The following CALCOCO1 variants were observed in gnomAD, a reference collection of about 807,000 sequenced individuals.
The protein encoded by CALCOCO1 is calcium-binding and coiled-coil domain-containing protein 1.
CALCOCO1 carries 44 observed loss-of-function variants against 86.3 expected under a neutral mutation model. That is an observed-to-expected ratio of 0.51 (90% confidence interval 0.40 to 0.66). The LOEUF is 0.66. CALCOCO1 is among the 30% of genes least tolerant of loss of function. The pLI is 0.00. For synonymous variants in CALCOCO1, 297 were observed against 327.6 expected (o/e 0.91, Z 1.01); for missense variants, 708 against 851.1 (o/e 0.83, Z 2.09).
intron 13 of CALCOCO1, 130 bp from the exon 14 acceptor site, chr12:53,713,336 C>A: frequency 1.4e-6 from 1 of 718,750 alleles, no homozygotes; most frequent in Admixed American, 2.2e-5. Flanking sequence ...AAGAGTGAGG[C>A]AGGAGAGGCG....
At chr12:53,719,400 G>A (rs1483216550) in intron 7 of CALCOCO1, among the ~76,000 whole-genome samples, 1 of 151,936 alleles carries the variant, frequency 6.6e-6, no homozygotes, top group Non-Finnish European at 1.5e-5. Context: ...GTGGCACATG[G>A]CTGTAATCCC....
At chr12:53,726,757 A>G (rs867408598) in intron 1 of CALCOCO1, among the ~76,000 whole-genome samples, 2 of 152,276 alleles carry the variant, frequency 1.3e-5, no homozygotes, top group African/African-American at 4.8e-5. Flanking sequence ...AAACTAATCC[A>G]TGTTTTCTCC....
intron 2 of CALCOCO1, 40 bp downstream of exon 2, chr12:53,725,047 A>C: frequency 6.5e-7 from 1 of 1,533,838 alleles, no homozygotes; most frequent in Non-Finnish European, 8.8e-7. Context: ...CAACCAACTC[A>C]CAGCCCATAA....
At chr12:53,724,102 C>T (rs1357525276) in intron 3 of CALCOCO1, 2 of 406,028 alleles carry the variant, frequency 4.9e-6, no homozygotes, top group South Asian at 3.9e-5. Flanking sequence ...GCGATCTTGG[C>T]TTGTTGCAAC....
At chr12:53,723,114 T>C (rs1174347849) in intron 4 of CALCOCO1, among the ~76,000 whole-genome samples, 1 of 152,218 alleles carries the variant, frequency 6.6e-6, no homozygotes, top group Non-Finnish European at 1.5e-5. Context: ...TTTACCCTTA[T>C]AGTACATCTC....
intron 7 of CALCOCO1, among the ~76,000 whole-genome samples, chr12:53,719,201 C>T (rs1945805849): frequency 6.6e-6 from 1 of 151,678 alleles, no homozygotes; most frequent in South Asian, 2.1e-4. Context: ...TGTACTCATA[C>T]ACCTCCCTGG....
In CALCOCO1 at chr12:53,725,134, G is replaced by A; in HGVS notation, c.109C>T (p.Pro37Ser). The change falls in exon 2 of 15, where the codon CCC becomes TCC. Residue 37 changes from proline (P) to serine (S), a missense_variant. Transcript: ENST00000550804. ...CTGGCACTGGGCATGGTGCCTGGGG[G>A]AAGGGTGTAGTGACATTCCACCTTG... Reference protein sequence around the residue: ...NTKVECHYTLPPGTMPSASDW... With the variant: ...NTKVECHYTLSPGTMPSASDW... 6.2e-7 allele frequency: 1 copy of A among 1,612,732 alleles called. No homozygotes were observed. The highest frequency in any genetic ancestry group is 8.5e-7 in the Non-Finnish European group (1 of 1,179,386).
In CALCOCO1 at chr12:53,713,871, C is replaced by G. The variant is rs751349975; in HGVS notation, c.1621G>C (p.Asp541His). Residue 541 changes from aspartate to histidine, a missense_variant, in exon 13 of 15, where the codon GAC becomes CAC. Physicochemically the swap from Asp to His is moderately conservative, Grantham distance 81. Coordinates refer to ENST00000550804, the MANE Select transcript of CALCOCO1 (RefSeq NM_020898.3). ...SCPAALTDSE[D>H]ESPEDMRLPP... ...AGCCTCATGTCTTCTGGGGACTCGT[C>G]CTCTGAGTCTGTCAGAGCTGCCGGG... 2.0e-6 allele frequency: 3 copies of G among 1,525,818 alleles called. No individual in the cohort carries two copies. The highest frequency in any genetic ancestry group is 1.8e-6 in the Non-Finnish European group (2 of 1,137,330). The allele number at this position is 1,525,818 out of a possible 1,614,324, so 94.5% of individuals were successfully genotyped here. A position where few individuals can be genotyped will look rare whatever the true frequency, so the allele number is the denominator to read the frequency against.
In CALCOCO1 at chr12:53,725,209, G is replaced by C. The variant is rs768745094; in HGVS notation, c.34C>G (p.Arg12Gly). Residue 12 changes from arginine (R) to glycine (G), a missense_variant, in exon 2 of 15, where the codon CGT becomes GGT. Physicochemically the swap from Arg to Gly is moderately radical, Grantham distance 125 (BLOSUM62 -2). Transcript: ENST00000550804. ...EESPLSRAPS[R>G]GGVNFLNVAR... The stretch of plus-strand genomic sequence containing the variant: ...ACATTGAGAAAGTTGACTCCACCAC[G>C]GGATGGTGCCCGGCTTAGTGGTGAT... 1.9e-6 allele frequency: 3 copies of C among 1,610,320 alleles called. No homozygotes were observed. The highest frequency in any genetic ancestry group is 2.5e-6 in the Non-Finnish European group (3 of 1,178,300).
At chr12:53,714,450 C>T in intron 11 of CALCOCO1, 148 bp downstream of exon 11, 1 of 687,986 alleles carries the variant, frequency 1.5e-6, no homozygotes. Context: ...ATCCGCTGTC[C>T]TGCCAAATCA....
intron 7 of CALCOCO1, 131 bp downstream of exon 7, chr12:53,719,608 G>A: frequency 1.5e-6 from 1 of 660,556 alleles, no homozygotes; most frequent in Non-Finnish European, 2.7e-6. Flanking sequence ...TTAGGTATAT[G>A]TCTTATGTTC....
At chr12:53,716,182 T>G in intron 8 of CALCOCO1, 78 bp downstream of exon 8, 1 of 1,591,628 alleles carries the variant, frequency 6.3e-7, no homozygotes, top group Non-Finnish European at 8.6e-7. Flanking sequence ...GTCTCTCCCC[T>G]TCTCTTTAGA....
chr12:53,714,759 A>T, intron 10 of CALCOCO1, 66 bp from the exon 11 acceptor site: 1 of 1,130,626 alleles, frequency 8.8e-7, no homozygotes, highest in Non-Finnish European at 1.3e-6. Flanking sequence ...GGACTCTGGG[A>T]CCAGGACCAA....
At chr12:53,712,766 G>T in intron 14 of CALCOCO1, 1 of 1,319,372 alleles carries the variant, frequency 7.6e-7, no homozygotes, top group Non-Finnish European at 9.9e-7. Context: ...GAGGACCCTA[G>T]GTACCTACCT....
rs1945540885 is a variant in CALCOCO1 at position 53,711,196 on chromosome 12, C to T, written c.*748G>A. The T allele has an allele frequency of 2.5e-6, 1 of 398,472 alleles. No individual in the cohort carries two copies. The highest frequency in any genetic ancestry group is 4.4e-6 in the Non-Finnish European group (1 of 225,944). 24.7% of individuals were successfully genotyped at this position (398,472 alleles called of 1,614,324 possible). A position where few individuals can be genotyped will look rare whatever the true frequency, so the allele number is the denominator to read the frequency against. ...GAAGCTTTTATTGCTGTGGGGGGAC[C>T]TGGAGAGGGAGGGGGGCCTTGGAAA... On this transcript the variant is annotated 3_prime_UTR_variant, in exon 15 of 15. Coordinates refer to ENST00000550804, the MANE Select transcript of CALCOCO1 (RefSeq NM_020898.3).
At chr12:53,721,879 A>G in intron 5 of CALCOCO1, 146 bp downstream of exon 5, 1 of 929,846 alleles carries the variant, frequency 1.1e-6, no homozygotes, top group South Asian at 1.5e-5. Flanking sequence ...GTTTAATCCC[A>G]GCCACTACCC....
intron 6 of CALCOCO1, among the ~76,000 whole-genome samples, chr12:53,720,470 T>C (rs755390989): frequency 6.6e-6 from 1 of 152,264 alleles, no homozygotes; most frequent in Non-Finnish European, 1.5e-5. Context: ...TAGATTTGGC[T>C]TGTGGGCCAT....
chr12:53,724,895 G>A, intron 2 of CALCOCO1, 148 bp from the exon 3 acceptor site: 1 of 828,650 alleles, frequency 1.2e-6, no homozygotes, highest in Non-Finnish European at 1.9e-6. Context: ...GGACACTAAT[G>A]TGTCAGTAAA....
In CALCOCO1 at chr12:53,711,245, T is replaced by A. The variant is rs1056244201; in HGVS notation, c.*699A>T. 1.0e-5 allele frequency: 4 copies of A among 398,620 alleles called. No homozygotes were observed. The Admixed American group carries it at 1.8e-4, about 18-fold the overall frequency. 24.7% of individuals were successfully genotyped at this position (398,620 alleles called of 1,614,324 possible). A position where few individuals can be genotyped will look rare whatever the true frequency, so the allele number is the denominator to read the frequency against. ...AATGGGGATACCTGGGACCACTTGT[T>A]CCCCCCATTCCTCACAGAAGGCACA... On this transcript the variant is annotated 3_prime_UTR_variant, in exon 15 of 15. Transcript: ENST00000550804.
Sources: gnomAD v4.1 joint callset for allele counts (sites outside exome capture counted in the v4.1 genomes callset) on GRCh38, gnomAD v4.1.1 for gene constraint, MANE v1.5 for transcripts, NCBI Gene and HGNC (gene_info 2026-07-23, HGNC 2026-07-21) for gene names.